CCNT1: variants seen among roughly 807,000 people sequenced by gnomAD.
The protein encoded by CCNT1 is cyclin T1.
In CCNT1, 18 loss-of-function variants were observed where a neutral mutation model predicts 67.3. That is an observed-to-expected ratio of 0.27 (90% CI 0.18 to 0.40). The LOEUF is 0.40. Among genes scored for constraint, CCNT1 ranks in the 10% least tolerant of loss-of-function variants. The pLI, the probability that CCNT1 is intolerant of heterozygous loss-of-function variation, is 1.00. For synonymous variants in CCNT1, 333 were observed against 310.3 expected (o/e 1.07, Z -0.77); for missense variants, 744 against 884.9 (o/e 0.84, Z 2.02).
rs757189528 is a variant in CCNT1, at chr12:48,693,045, G to C, written c.2169C>G (p.Pro723=). The C allele has an allele frequency of 1.3e-6, 2 of 1,588,470 alleles. No homozygotes were observed. The highest frequency in any genetic ancestry group is 3.4e-5 in the Admixed American group (2 of 59,242). The change falls in exon 9 of 9, where the codon CCC becomes CCG. Residue 723 remains proline, a synonymous_variant. Coordinates refer to ENST00000261900, the MANE Select transcript of CCNT1 (RefSeq NM_001240.4). ...TCTTTTTCTTTTTTTACTTAGGAAG[G>C]GGTGGAAGTGGTGGAGGAGGTTCTG... ...LPSEPPPPLP[P]LPK
At chr12:48,714,093 A>C (rs1940498179) in intron 2 of CCNT1, among the ~76,000 whole-genome samples, 1 of 152,162 alleles carries the variant, frequency 6.6e-6, no homozygotes, top group African/African-American at 2.4e-5. Context: ...TATTTTGTAG[A>C]AATGAGGTCT....
chr12:48,712,865 G>A (rs543779055), intron 2 of CCNT1, among the ~76,000 whole-genome samples: 3 of 151,824 alleles, frequency 2.0e-5, no homozygotes, highest in African/African-American at 7.3e-5. Flanking sequence ...GCTTGAATCT[G>A]CGAGGCGGAG....
At position 48,693,932 on chromosome 12, in the gene CCNT1, G is replaced by C. The variant is rs762789240; in HGVS notation, c.1282C>G (p.His428Asp). Residue 428 changes from histidine (H) to aspartate (D), a missense_variant, in exon 9 of 9, where the codon CAT (histidine) becomes GAT (aspartate). This residue lies in a region of CCNT1 where 564 missense variants were observed against 574.2 expected (regional missense o/e 0.98). Transcript: ENST00000261900. ...ATGACTGAAGAATGGCTATCATGATGAGAAAGGAGATTCTGGGCAGCATAT... is the reference window on the plus strand; with the variant it reads ...ATGACTGAAGAATGGCTATCATGATCAGAAAGGAGATTCTGGGCAGCATAT... Reference protein sequence around the residue: ...YAYAAQNLLSHHDSHSSVILK... With the variant: ...YAYAAQNLLSDHDSHSSVILK... 1 of 1,614,156 alleles carries C rather than the reference G, an allele frequency of 6.2e-7. No homozygotes were observed. The highest frequency in any genetic ancestry group is 8.5e-7 in the Non-Finnish European group (1 of 1,180,036).
chr12:48,693,295 T>C lies in CCNT1; in HGVS notation c.1919A>G (p.Asp640Gly), dbSNP rs770880033. ...CKTRVPHSKL[D>G]KGPTGANGHN... ...ACCATTGGCCCCAGTGGGCCCTTTA[T>C]CCAGTTTCGAATGAGGGACACGAGT... is the stretch of plus-strand genomic sequence containing the variant. Residue 640 changes from aspartate to glycine, a missense_variant, in exon 9 of 9, where the codon GAT (aspartate) becomes GGT (glycine). Around this residue, in one of 3 missense-constraint regions of CCNT1, gnomAD observed 564 missense variants for 574.2 expected, o/e 0.98. Transcript: ENST00000261900. 12 of 1,614,208 alleles carry C rather than the reference T, an allele frequency of 7.4e-6. No individual in the cohort carries two copies. Among genetic ancestry groups the C allele is most frequent in the Non-Finnish European group, 8.5e-6 (10 of 1,180,036 alleles).
rs942632623 is a variant in CCNT1, at chr12:48,694,664, A to G, written c.778-228T>C. ...AACGTTACAAAGCAATAATAACAAC[A>G]AAGAATCTATGCTTATCTAAAATTC... On this transcript the variant is annotated intron_variant, in intron 8 of 8. Coordinates refer to ENST00000261900, the MANE Select transcript of CCNT1 (RefSeq NM_001240.4). Among the ~76,000 whole-genome samples the G allele has an allele frequency of 2.0e-4, 30 of 152,354 alleles. 1 individual carries two copies. Among genetic ancestry groups the G allele is most frequent in the Non-Finnish European group, 3.5e-4 (24 of 68,040 alleles).
At chr12:48,696,856 A>T (rs751454864) in intron 6 of CCNT1, among the ~76,000 whole-genome samples, 37 of 152,104 alleles carry the variant, frequency 2.4e-4, no homozygotes, top group Non-Finnish European at 4.3e-4. Flanking sequence ...TTTTAGACAG[A>T]GTCTCTCTCT....
chr12:48,712,584 AAAAAAAAAAAT>A (rs1447595938), intron 2 of CCNT1, among the ~76,000 whole-genome samples: 15,658 of 66,782 alleles, frequency 0.23, 1,166 homozygotes, highest in East Asian at 0.6. Context: ...TTCCTTAAAA[AAAAAAAAAAAT>A]AAAAAAAAAA....
At position 48,691,380 on chromosome 12, in the gene CCNT1, G is replaced by A. The variant is rs1218998808; in HGVS notation, c.*1653C>T. The A allele has an allele frequency of 6.6e-6, 1 of 152,122 alleles. No homozygotes were observed. The highest frequency in any genetic ancestry group is 1.5e-5 in the Non-Finnish European group (1 of 68,018). The allele number at this position is 152,122 out of a possible 1,614,324, so 9.4% of individuals were successfully genotyped here. A position where few individuals can be genotyped will look rare whatever the true frequency, so the allele number is the denominator to read the frequency against. Reference sequence around the variant, plus strand: ...CTCCCTAAAAAATCCTTGGCATGAAGTAAGCTGCAATCAAATCATGAAAAC... The same window carrying A: ...CTCCCTAAAAAATCCTTGGCATGAAATAAGCTGCAATCAAATCATGAAAAC... On this transcript the variant is annotated 3_prime_UTR_variant, in exon 9 of 9. Transcript: ENST00000261900.
Position 48,693,183 on chromosome 12 carries a change from C to T in CCNT1, c.2031G>A (p.Gln677=). The change falls in exon 9 of 9, where the codon CAG becomes CAA. Residue 677 remains glutamine, a synonymous_variant. Transcript: ENST00000261900. ...GACGAACAAATTCAAATGCAGTGGGCTGAGTGGGCTGAACACCCTGGGCAC... is the reference window on the plus strand; with the variant it reads ...GACGAACAAATTCAAATGCAGTGGGTTGAGTGGGCTGAACACCCTGGGCAC... ...LLSAQGVQPT[Q]PTAFEFVRPY... is the part of the protein sequence containing the mutation. 2 of 1,614,098 alleles carry T rather than the reference C, an allele frequency of 1.2e-6. No homozygotes were observed. The highest frequency in any genetic ancestry group is 1.7e-6 in the Non-Finnish European group (2 of 1,180,006).
chr12:48,695,347 A>G (rs755737168), intron 8 of CCNT1, among the ~76,000 whole-genome samples: 8 of 152,276 alleles, frequency 5.3e-5, no homozygotes, highest in Non-Finnish European at 8.8e-5. Context: ...ACTACAGCCT[A>G]TATAAAAACA....
At position 48,690,931 on chromosome 12, in the gene CCNT1, G is replaced by A. The variant is rs1200539504; in HGVS notation, c.*2102C>T. The A allele has an allele frequency of 6.6e-6, 1 of 152,184 alleles. No homozygotes were observed. The highest frequency in any genetic ancestry group is 1.9e-4 in the East Asian group (1 of 5,202). 9.4% of individuals were successfully genotyped at this position (152,184 alleles called of 1,614,324 possible). On this transcript the variant is annotated 3_prime_UTR_variant, in exon 9 of 9. Transcript: ENST00000261900. ...AGACTAAATGGCACATTCCCTTTTG[G>A]AAACAGACTCCAACAAACAAAATCT...
In CCNT1 at chr12:48,694,045, T is replaced by C; in HGVS notation, c.1169A>G (p.Lys390Arg). The C allele has an allele frequency of 6.2e-7, 1 of 1,614,214 alleles. No homozygotes were observed. Among genetic ancestry groups the C allele is most frequent in the African/African-American group, 1.3e-5 (1 of 75,038 alleles). ...TTCTGCATGCTTCGCGCGGTATTCT[T>C]TCAGTGACACTTTAGCTGATGGCAC... ...KSVPSAKVSL[K>R]EYRAKHAEEL... The change falls in exon 9 of 9, where the codon AAA becomes AGA. Residue 390 changes from lysine to arginine, a missense_variant. Around this residue, in one of 3 missense-constraint regions of CCNT1, gnomAD observed 564 missense variants for 574.2 expected, o/e 0.98. Coordinates refer to ENST00000261900, the MANE Select transcript of CCNT1 (RefSeq NM_001240.4).
chr12:48,709,195 AAAACT>A (rs1489015325), intron 2 of CCNT1, among the ~76,000 whole-genome samples: 10 of 152,180 alleles, frequency 6.6e-5, no homozygotes, highest in Admixed American at 5.2e-4. Context: ...AAACCAAAAT[AAAACT>A]AAACTAAATT....
chr12:48,697,847 AAAAAAAAAATATAT>A (rs1369079307), intron 6 of CCNT1: 1,928 of 96,192 alleles, frequency 0.02, 23 homozygotes, highest in Non-Finnish European at 0.027. Context: ...TTTAAAAAAA[AAAAAAAAAATATAT>A]ATATATATAT....
At chr12:48,694,691 T>C (rs1404931178) in intron 8 of CCNT1, among the ~76,000 whole-genome samples, 2 of 152,228 alleles carry the variant, frequency 1.3e-5, no homozygotes, top group African/African-American at 4.8e-5. Context: ...CTAAAATTCA[T>C]ACATGAACAT....
intron 4 of CCNT1, 69 bp from the exon 5 acceptor site, chr12:48,699,909 A>G (rs1940236872): frequency 2.1e-6 from 2 of 953,140 alleles, no homozygotes; most frequent in Non-Finnish European, 3.3e-6. Context: ...TTGTAAAAGG[A>G]TAACTGATTG....
intron 4 of CCNT1, among the ~76,000 whole-genome samples, chr12:48,700,297 C>T (rs57337154): frequency 0.022 from 2,848 of 129,020 alleles, 102 homozygotes; most frequent in African/African-American, 0.076. Context: ...CCAGCCTGGG[C>T]GACAAAGCAA....
chr12:48,693,277 G>A lies in CCNT1; in HGVS notation c.1937C>T (p.Ala646Val). The stretch of plus-strand genomic sequence containing the variant: ...TGTCTGGGTCGTGTTGTGACCATTG[G>A]CCCCAGTGGGCCCTTTATCCAGTTT... ...HSKLDKGPTG[A>V]NGHNTTQTID... Residue 646 changes from alanine to valine, a missense_variant, in exon 9 of 9, where the codon GCC becomes GTC. Ala to Val is a moderately conservative substitution (Grantham distance 64). Around this residue, in one of 3 missense-constraint regions of CCNT1, gnomAD observed 564 missense variants for 574.2 expected, o/e 0.98. Coordinates refer to ENST00000261900, the MANE Select transcript of CCNT1 (RefSeq NM_001240.4). 6.2e-7 allele frequency: 1 copy of A among 1,614,214 alleles called. No individual in the cohort carries two copies. The highest frequency in any genetic ancestry group is 8.5e-7 in the Non-Finnish European group (1 of 1,180,028).
intron 3 of CCNT1, among the ~76,000 whole-genome samples, chr12:48,702,608 C>G (rs1452390010): frequency 2.6e-5 from 4 of 152,104 alleles, no homozygotes; most frequent in Non-Finnish European, 4.4e-5. Flanking sequence ...TATGGTGAAA[C>G]CCTGTCTCTA....
Sources: gnomAD v4.1 joint callset for allele counts (sites outside exome capture counted in the v4.1 genomes callset) on GRCh38, gnomAD v4.1.1 for gene constraint, gnomAD v4.1.1 regional missense constraint, MANE v1.5 for transcripts, NCBI Gene and HGNC (gene_info 2026-07-23, HGNC 2026-07-21) for gene names.